ALK: variants seen among roughly 807,000 people sequenced by gnomAD.
ALK encodes the protein ALK tyrosine kinase receptor.
ALK carries 74 observed loss-of-function variants against 163.1 expected under a neutral mutation model. That is an observed-to-expected ratio of 0.45 (90% confidence interval 0.38 to 0.55). The LOEUF is 0.55. ALK is among the 20% of genes least tolerant of loss of function. The probability of loss-of-function intolerance (pLI) is 0.00; values close to 1 mark genes in which losing one functional copy is unlikely to be tolerated. For missense variants in ALK, 2,063 were observed against 2,105.3 expected (o/e 0.98, Z 0.39); for synonymous variants, 960 against 843.2 (o/e 1.14, Z -2.40).
intron 5 of ALK, among the ~76,000 whole-genome samples, chr2:29,366,001 C>T (rs1453927876): frequency 7.9e-5 from 12 of 152,180 alleles, no homozygotes; most frequent in Non-Finnish European, 1.5e-5. Flanking sequence ...TAGAGAGCCG[C>T]TAGTGCTTTT....
intron 12 of ALK, among the ~76,000 whole-genome samples, chr2:29,248,792 G>A (rs915414435): frequency 1.3e-5 from 2 of 152,214 alleles, no homozygotes; most frequent in Non-Finnish European, 2.9e-5. Flanking sequence ...ATGGGAAAAT[G>A]AATTAATTAT....
chr2:29,210,599 AT>A (rs1388351992), intron 24 of ALK, among the ~76,000 whole-genome samples: 1 of 152,106 alleles, frequency 6.6e-6, no homozygotes, highest in Middle Eastern at 3.4e-3. Flanking sequence ...CACCTGGCTA[AT>A]TTTTTGTATT....
chr2:29,290,764 T>C (rs1573198105), intron 9 of ALK, among the ~76,000 whole-genome samples: 1 of 152,338 alleles, frequency 6.6e-6, no homozygotes, highest in Non-Finnish European at 1.5e-5. Context: ...TATCAGAGAC[T>C]GTGCTCCAGT....
chr2:29,579,362 A>G (rs1420543805), intron 3 of ALK, among the ~76,000 whole-genome samples: 1 of 152,118 alleles, frequency 6.6e-6, no homozygotes, highest in Non-Finnish European at 1.5e-5. Flanking sequence ...GCCATGAAAA[A>G]TAGTATCCGC....
At chr2:29,326,777 A>G (rs995727756) in intron 6 of ALK, among the ~76,000 whole-genome samples, 4 of 152,240 alleles carry the variant, frequency 2.6e-5, no homozygotes, top group African/African-American at 9.6e-5. Context: ...AATGAGAATA[A>G]ATGAAACCTT....
intron 5 of ALK, among the ~76,000 whole-genome samples, chr2:29,337,328 G>T (rs927246197): frequency 6.6e-6 from 1 of 152,214 alleles, no homozygotes; most frequent in Non-Finnish European, 1.5e-5. Context: ...GGCTGGGTAA[G>T]AAATCATGAT....
intron 5 of ALK, among the ~76,000 whole-genome samples, chr2:29,366,438 C>T (rs997061892): frequency 2.6e-5 from 4 of 151,908 alleles, no homozygotes; most frequent in African/African-American, 7.3e-5. Context: ...CAGATAGGGC[C>T]TGGGAACCCA....
At chr2:29,451,323 C>T (rs1476125762) in intron 4 of ALK, among the ~76,000 whole-genome samples, 1 of 152,172 alleles carries the variant, frequency 6.6e-6, no homozygotes, top group Non-Finnish European at 1.5e-5. Context: ...TTAAGCACAA[C>T]TTCAATAATG....
intron 4 of ALK, among the ~76,000 whole-genome samples, chr2:29,417,963 A>G (rs1486887394): frequency 3.3e-5 from 5 of 152,174 alleles, no homozygotes; most frequent in Admixed American, 2.0e-4. Flanking sequence ...GAATACAGTT[A>G]TTATTCTATT....
In ALK at chr2:29,920,585, G is replaced by T. The variant is rs764176323; in HGVS notation, c.75C>A (p.Thr25=). Residue 25 remains threonine (T), a synonymous_variant, in exon 1 of 29, where the codon ACC becomes ACA. Coordinates refer to ENST00000389048, the MANE Select transcript of ALK (RefSeq NM_004304.5). ...CAGCTGGGGAGCCCGCGCGCTGGCC[G>T]GTCCCCATCCCGGAGCCCACAGCTG... The part of the protein sequence containing the change: ...STAAVGSGMG[T]GQRAGSPAAG... The T allele has an allele frequency of 3.2e-6, 5 of 1,577,640 alleles. No individual in the cohort carries two copies. The highest frequency in any genetic ancestry group is 1.3e-5 in the African/African-American group (1 of 74,324).
intron 1 of ALK, among the ~76,000 whole-genome samples, chr2:29,760,868 GAACTCTGA>G (rs768110008): frequency 3.3e-5 from 5 of 152,158 alleles, no homozygotes; most frequent in Non-Finnish European, 2.9e-5. Context: ...CTCCATCCAA[GAACTCTGA>G]AAGAGCTTTT....
intron 4 of ALK, among the ~76,000 whole-genome samples, chr2:29,496,068 C>A (rs971385817): frequency 3.9e-5 from 6 of 152,120 alleles, no homozygotes; most frequent in African/African-American, 1.4e-4. Context: ...TTTCCCATGT[C>A]AGTTCTCTGC....
At chr2:29,800,950 TG>T (rs1664453384) in intron 1 of ALK, among the ~76,000 whole-genome samples, 1 of 152,168 alleles carries the variant, frequency 6.6e-6, no homozygotes, top group Non-Finnish European at 1.5e-5. Context: ...TGGGCTCCCG[TG>T]GGCGCTGGCC....
chr2:29,254,165 T>A (rs1664896498), intron 11 of ALK, among the ~76,000 whole-genome samples: 1 of 152,220 alleles, frequency 6.6e-6, no homozygotes, highest in Admixed American at 6.5e-5. Context: ...AGTGTAAGTT[T>A]CCTGAGGCCT....
At chr2:29,661,122 G>A (rs1677334412) in intron 3 of ALK, among the ~76,000 whole-genome samples, 1 of 152,076 alleles carries the variant, frequency 6.6e-6, no homozygotes, top group Non-Finnish European at 1.5e-5. Flanking sequence ...TTTTATATAT[G>A]TTGACTCATT....
At chr2:29,746,357 A>G (rs1331481611) in intron 1 of ALK, among the ~76,000 whole-genome samples, 1 of 152,256 alleles carries the variant, frequency 6.6e-6, no homozygotes, top group Non-Finnish European at 1.5e-5. Flanking sequence ...ACAACACATT[A>G]CTAACACAAA....
At chr2:29,724,480 A>C (rs1264330273) in intron 1 of ALK, among the ~76,000 whole-genome samples, 1 of 152,198 alleles carries the variant, frequency 6.6e-6, no homozygotes, top group Non-Finnish European at 1.5e-5. Context: ...TTGGGTATTC[A>C]CTAGGCTGAG....
chr2:29,635,521 T>C (rs528093895), intron 3 of ALK, among the ~76,000 whole-genome samples: 2 of 152,282 alleles, frequency 1.3e-5, no homozygotes, highest in South Asian at 4.1e-4. Flanking sequence ...AGGAAAGAAT[T>C]CTCCCCGAGA....
At chr2:29,636,522 G>A (rs1375327849) in intron 3 of ALK, among the ~76,000 whole-genome samples, 1 of 152,030 alleles carries the variant, frequency 6.6e-6, no homozygotes, top group African/African-American at 2.4e-5. Flanking sequence ...AAAATTTTGA[G>A]GAAGTAGGGC....
Sources: gnomAD v4.1 joint callset for allele counts (sites outside exome capture counted in the v4.1 genomes callset) on GRCh38, gnomAD v4.1.1 for gene constraint, MANE v1.5 for transcripts, NCBI Gene and HGNC (gene_info 2026-07-23, HGNC 2026-07-21) for gene names.